LINC00632: variants seen among roughly 807,000 people sequenced by gnomAD.
LINC00632 encodes long independently transcribed non-coding RNA 632.
At chrX:140,741,804 A>G (rs1251352071) in intron 3 of LINC00632, among the ~76,000 whole-genome samples, 1 of 112,345 alleles carries the variant, frequency 8.9e-6, no homozygotes, top group Non-Finnish European at 1.9e-5. Context: ...TGCCTTCTGT[A>G]GTACATCCTG....
intron 3 of LINC00632, among the ~76,000 whole-genome samples, chrX:140,735,346 G>T (rs1052333754): frequency 1.8e-5 from 2 of 111,127 alleles, no homozygotes; most frequent in Non-Finnish European, 3.8e-5. Context: ...GAAACCCTCT[G>T]ATTTACTAAA....
intron 2 of LINC00632, among the ~76,000 whole-genome samples, chrX:140,718,110 TGG>T (rs1930665917): frequency 1.8e-5 from 2 of 110,248 alleles, no homozygotes; most frequent in Admixed American, 9.7e-5. Context: ...CACTTCAGCC[TGG>T]GCAACAAGAG....
At chrX:140,789,777 C>T (rs1368663515) in exon 5 of LINC00632, among the ~76,000 whole-genome samples, 1 of 110,962 alleles carries the variant, frequency 9.0e-6, no homozygotes, top group Non-Finnish European at 1.9e-5. Flanking sequence ...GTATCCTTTA[C>T]CTATTCTTTT....
chrX:140,745,953 G>A (rs1280933557), intron 3 of LINC00632, among the ~76,000 whole-genome samples: 2 of 111,498 alleles, frequency 1.8e-5, no homozygotes, highest in African/African-American at 3.3e-5. Flanking sequence ...CTCTCTTCAC[G>A]CCTCCCTCCC....
rs746128055 is a variant in LINC00632, at chrX:140,767,532, C to T, written n.192-4546C>T. Among the ~76,000 whole-genome samples the T allele has an allele frequency of 1.3e-3, 149 of 111,823 alleles. 1 individual carries two copies. Among genetic ancestry groups the T allele is most frequent in the Non-Finnish European group, 1.4e-3 (74 of 53,222 alleles). On this transcript the variant is annotated intron_variant and non_coding_transcript_variant, in intron 3 of 4. Transcript: ENST00000648200. The stretch of plus-strand genomic sequence containing the variant: ...GGTTCTATGCACATTTAGTAACTTA[C>T]GCCTCTTAAACATTGGCTATGCAAG...
exon 5 of LINC00632, chrX:140,783,404 C>G: frequency 2.0e-6 from 1 of 503,231 alleles, no homozygotes; most frequent in Non-Finnish European, 3.3e-6. Flanking sequence ...ACTGGTCTTC[C>G]ACCAAATCCA....
exon 5 of LINC00632, among the ~76,000 whole-genome samples, chrX:140,775,643 A>G (rs1186110823): frequency 8.9e-6 from 1 of 112,071 alleles, no homozygotes; most frequent in Non-Finnish European, 1.9e-5. Flanking sequence ...ACCTGAATAG[A>G]GAAAAGAAGA....
chrX:140,770,300 G>A (rs752342169), intron 3 of LINC00632, among the ~76,000 whole-genome samples: 17 of 112,024 alleles, frequency 1.5e-4, no homozygotes, highest in Admixed American at 1.3e-3. Flanking sequence ...TAAAGAAGCC[G>A]GCCAGAACTC....
At chrX:140,723,507 TTCCATACACACAAACATTCCATACAC>T (rs1930786624) in intron 2 of LINC00632, among the ~76,000 whole-genome samples, 1 of 12,334 alleles carries the variant, frequency 8.1e-5, no homozygotes, top group African/African-American at 3.0e-4. Context: ...CACACACACA[TTCCATACACACAAACATTCCATACAC>T]ACACACACAT....
intron 3 of LINC00632, among the ~76,000 whole-genome samples, chrX:140,742,875 G>GGA (rs1402297888): frequency 0.011 from 1,003 of 94,160 alleles, 23 homozygotes; most frequent in African/African-American, 0.041. Flanking sequence ...GAGAGAGAGA[G>GGA]AGAGGAAGGA....
chrX:140,778,618 G>GAA (rs57214136), exon 5 of LINC00632, among the ~76,000 whole-genome samples: 8 of 40,295 alleles, frequency 2.0e-4, no homozygotes, highest in Admixed American at 6.2e-4. Context: ...AACAAACAAA[G>GAA]AAAAAAAAAA....
intron 3 of LINC00632, among the ~76,000 whole-genome samples, chrX:140,742,877 GAGGAA>G (rs1931255097): frequency 1.1e-5 from 1 of 94,410 alleles, no homozygotes; most frequent in African/African-American, 4.1e-5. Context: ...GAGAGAGAGA[GAGGAA>G]GGAAGGAAGG....
intron 2 of LINC00632, among the ~76,000 whole-genome samples, chrX:140,730,157 G>A: frequency 9.0e-6 from 1 of 111,222 alleles, no homozygotes; most frequent in Non-Finnish European, 1.9e-5. Flanking sequence ...TTACAGGCAT[G>A]AGACACTGCA....
chrX:140,723,823 C>A (rs1930822628), intron 2 of LINC00632, among the ~76,000 whole-genome samples: 1 of 60,365 alleles, frequency 1.7e-5, no homozygotes, highest in African/African-American at 6.4e-5. Flanking sequence ...GACACACATT[C>A]CATGCACACA....
intron 3 of LINC00632, among the ~76,000 whole-genome samples, chrX:140,737,407 C>T (rs1038497507): frequency 5.4e-5 from 6 of 111,167 alleles, no homozygotes; most frequent in African/African-American, 2.0e-4. Context: ...TTGTAATGAT[C>T]AGGTCAAGGT....
chrX:140,784,443 T>G, exon 5 of LINC00632: 1 of 1,113,321 alleles, frequency 9.0e-7, no homozygotes, highest in Non-Finnish European at 1.2e-6. Flanking sequence ...ATCCATGTCT[T>G]CCTATATCTC....
intron 3 of LINC00632, among the ~76,000 whole-genome samples, chrX:140,756,416 T>C (rs1931494639): frequency 8.9e-6 from 1 of 112,132 alleles, no homozygotes; most frequent in Admixed American, 9.5e-5. Flanking sequence ...TAAAGCCAAG[T>C]CACCTGCACA....
chrX:140,757,492 G>A (rs1262732135), intron 3 of LINC00632, among the ~76,000 whole-genome samples: 2 of 111,375 alleles, frequency 1.8e-5, no homozygotes, highest in East Asian at 2.8e-4. Context: ...CAGAATAAAC[G>A]GAGGGACACC....
exon 5 of LINC00632, chrX:140,784,279 C>T: frequency 1.7e-6 from 2 of 1,209,530 alleles, no homozygotes; most frequent in Non-Finnish European, 2.2e-6. Flanking sequence ...AAAGGTACGT[C>T]TTCCAACAAA....
Sources: gnomAD v4.1 joint callset for allele counts (sites outside exome capture counted in the v4.1 genomes callset) on GRCh38, gnomAD v4.1.1 for gene constraint, MANE v1.5 for transcripts, NCBI Gene and HGNC (gene_info 2026-07-23, HGNC 2026-07-21) for gene names.